The following CLNK variants were observed in gnomAD, a reference collection of about 807,000 sequenced individuals.
The protein encoded by CLNK is cytokine dependent hematopoietic cell linker.
Under a neutral mutation model 68.6 loss-of-function variants are expected in CLNK, and 74 were observed. The ratio of observed to expected loss-of-function variants is 1.08; its 90% CI spans 0.89 to 1.31. The LOEUF is 1.31. Ranked by LOEUF, CLNK falls within the 50% of genes most tolerant of loss-of-function variation. CLNK has a pLI of 0.00. For synonymous variants in CLNK, 198 were observed against 172.2 expected, an observed-to-expected ratio of 1.15 and a Z score of -1.17; for missense variants, 553 against 515.3, an observed-to-expected ratio of 1.07 and a Z score of -0.71.
At chr4:10,654,606 G>T (rs1723888320) in intron 2 of CLNK, among the ~76,000 whole-genome samples, 1 of 151,036 alleles carries the variant, frequency 6.6e-6, no homozygotes, top group Non-Finnish European at 1.5e-5. Flanking sequence ...TGGAGAGGAA[G>T]AAATAAAATT....
intron 16 of CLNK, among the ~76,000 whole-genome samples, chr4:10,508,831 GGTGT>G (rs767144374): frequency 0.01 from 1,491 of 145,356 alleles, 11 homozygotes; most frequent in Middle Eastern, 0.023. Context: ...ATCTGGGCTG[GGTGT>G]GGTGGCTCAA....
At chr4:10,627,476 A>T (rs1722719337) in intron 2 of CLNK, among the ~76,000 whole-genome samples, 1 of 152,234 alleles carries the variant, frequency 6.6e-6, no homozygotes, top group Non-Finnish European at 1.5e-5. Context: ...ATTGGTTTCT[A>T]CTTAGTAACA....
chr4:10,632,462 ACTATACAAC>A (rs1722929927), intron 2 of CLNK, among the ~76,000 whole-genome samples: 2 of 152,258 alleles, frequency 1.3e-5, no homozygotes, highest in African/African-American at 4.8e-5. Context: ...CGCATATCAG[ACTATACAAC>A]TTTCATTTAA....
chr4:10,566,293 A>T, intron 5 of CLNK, 143 bp from the exon 6 acceptor site: 1 of 792,792 alleles, frequency 1.3e-6, no homozygotes, highest in Non-Finnish European at 2.0e-6. Flanking sequence ...GATCTTAAAT[A>T]GAAGTTTAAT....
the CLNK span, among the ~76,000 whole-genome samples, chr4:10,707,269 A>G: frequency 6.6e-6 from 1 of 152,232 alleles, no homozygotes; most frequent in Non-Finnish European, 1.5e-5. Context: ...ATGTTTTAAG[A>G]AAGTTTACAA....
chr4:10,607,864 A>G (rs1200726302), intron 2 of CLNK, among the ~76,000 whole-genome samples: 2 of 152,228 alleles, frequency 1.3e-5, no homozygotes, highest in Admixed American at 1.3e-4. Flanking sequence ...TTAACCATTC[A>G]TAACTATAAG....
At chr4:10,637,743 C>T (rs987050180) in intron 2 of CLNK, among the ~76,000 whole-genome samples, 10 of 149,398 alleles carry the variant, frequency 6.7e-5, no homozygotes, top group East Asian at 2.0e-4. Context: ...TACAGGTGCC[C>T]GCCACCAGGC....
chr4:10,731,232 A>G, the CLNK span, among the ~76,000 whole-genome samples: 197 of 152,342 alleles, frequency 1.3e-3, no homozygotes, highest in African/African-American at 4.6e-3. Context: ...TTGCACAATC[A>G]TTATGTATTA....
intron 2 of CLNK, among the ~76,000 whole-genome samples, chr4:10,610,184 G>C (rs183712677): frequency 0.023 from 3,505 of 149,786 alleles, 142 homozygotes; most frequent in African/African-American, 0.073. Context: ...AGCCTCCCGA[G>C]TAGCTGGGAC....
the CLNK span, among the ~76,000 whole-genome samples, chr4:10,706,805 A>C: frequency 0.92 from 139,658 of 152,114 alleles, 64,155 homozygotes; most frequent in Admixed American, 0.95. Flanking sequence ...GTCTATAAAC[A>C]AAAAATAAAA....
intron 2 of CLNK, among the ~76,000 whole-genome samples, chr4:10,663,467 T>A (rs1724271990): frequency 6.6e-6 from 1 of 152,190 alleles, no homozygotes; most frequent in African/African-American, 2.4e-5. Flanking sequence ...ACTTTATAAA[T>A]GAGGTGTGTG....
At chr4:10,508,464 C>G (rs1397678360) in intron 16 of CLNK, among the ~76,000 whole-genome samples, 1 of 152,162 alleles carries the variant, frequency 6.6e-6, no homozygotes, top group Non-Finnish European at 1.5e-5. Flanking sequence ...CTGCCACTTC[C>G]CCAGAGGCAC....
rs746691822 is a variant in CLNK, at chr4:10,490,481, G to A, written c.1273C>T (p.Leu425Phe). Reference sequence around the variant, plus strand: ...CAAAGACCAGGCTACAGAGGCAAGAGGTGTCTGGTGAGAGGGAGTGGCTGA... The same window carrying A: ...CAAAGACCAGGCTACAGAGGCAAGAAGTGTCTGGTGAGAGGGAGTGGCTGA... ...LTQPLPLTRH[L>F]LPL The change falls in exon 19 of 19, where the codon CTC (leucine) becomes TTC (phenylalanine). Residue 425 changes from leucine (L) to phenylalanine (F), a missense_variant. Leu to Phe is a conservative substitution (Grantham distance 22). Coordinates refer to ENST00000226951, the MANE Select transcript of CLNK (RefSeq NM_052964.4). 25 of 1,613,414 alleles carry A rather than the reference G, an allele frequency of 1.5e-5. No individual in the cohort carries two copies. Among genetic ancestry groups the A allele is most frequent in the Non-Finnish European group, 2.0e-5 (24 of 1,179,766 alleles).
chr4:10,641,800 G>A (rs1577190870), intron 2 of CLNK, among the ~76,000 whole-genome samples: 1 of 152,032 alleles, frequency 6.6e-6, no homozygotes. Context: ...TTGTGGGAGG[G>A]ACCCGGTTGG....
At chr4:10,707,114 T>C in the CLNK span, among the ~76,000 whole-genome samples, 1 of 152,204 alleles carries the variant, frequency 6.6e-6, no homozygotes. Flanking sequence ...TTCTTGATAG[T>C]GACGTCAAGT....
Position 10,537,448 on chromosome 4 carries a change from A to C in CLNK, c.602+3046T>G, listed in dbSNP as rs146621839. ...AGCTGAGATCACATCACTGCACTCCAGCCTGGGCAATAGAGCGAGATTCCA... is the reference window on the plus strand; with the variant it reads ...AGCTGAGATCACATCACTGCACTCCCGCCTGGGCAATAGAGCGAGATTCCA... On this transcript the variant is annotated intron_variant, in intron 11 of 18. Coordinates refer to ENST00000226951, the MANE Select transcript of CLNK (RefSeq NM_052964.4). Among the ~76,000 whole-genome samples the C allele has an allele frequency of 9.0e-3, 1,373 of 152,246 alleles. 21 individuals carry two copies. Among genetic ancestry groups the C allele is most frequent in the African/African-American group, 0.032 (1,315 of 41,532 alleles).
At chr4:10,517,289 A>G (rs912583367) in intron 15 of CLNK, 2 of 151,826 alleles carry the variant, frequency 1.3e-5, no homozygotes, top group Non-Finnish European at 2.9e-5. Flanking sequence ...CAGCAGGACA[A>G]AAAAAAAGTC....
At chr4:10,719,767 A>G in the CLNK span, among the ~76,000 whole-genome samples, 1 of 152,204 alleles carries the variant, frequency 6.6e-6, no homozygotes, top group African/African-American at 2.4e-5. Context: ...GCAGAATAAC[A>G]TTCTTCTCAA....
intron 2 of CLNK, among the ~76,000 whole-genome samples, chr4:10,624,793 G>A (rs1722603300): frequency 6.6e-6 from 1 of 151,946 alleles, no homozygotes; most frequent in South Asian, 2.1e-4. Context: ...TTGATGACTA[G>A]CATTTGGAGG....
Sources: gnomAD v4.1 joint callset for allele counts (sites outside exome capture counted in the v4.1 genomes callset) on GRCh38, gnomAD v4.1.1 for gene constraint, MANE v1.5 for transcripts, NCBI Gene and HGNC (gene_info 2026-07-23, HGNC 2026-07-21) for gene names.